PCDHGA2: variants seen among roughly 807,000 people sequenced by gnomAD.
PCDHGA2 encodes protocadherin gamma subfamily A, 2, also known as protocadherin gamma-A2.
In PCDHGA2, 40 loss-of-function variants were observed where a neutral mutation model predicts 59.2. The observed-to-expected ratio is 0.68, with a 90% confidence interval of 0.52 to 0.88. The LOEUF (loss-of-function observed/expected upper bound fraction) is 0.88, where lower values mean the gene tolerates loss of function less well. Ranked by LOEUF, PCDHGA2 falls within the 40% of genes least tolerant of loss-of-function variation. The pLI is 0.00. For missense variants in PCDHGA2, 1,226 were observed against 1,204.0 expected (o/e 1.02, Z -0.27); for synonymous variants, 560 against 526.0 (o/e 1.06, Z -0.89).
intron 1 of PCDHGA2, chr5:141,405,556 C>T: frequency 1.6e-6 from 1 of 619,826 alleles, no homozygotes; most frequent in East Asian, 2.7e-5. Context: ...AGTAGAGTAG[C>T]TGGGACTAGA....
chr5:141,415,744 T>TG (rs2095925177), intron 1 of PCDHGA2: 4 of 404,428 alleles, frequency 9.9e-6, no homozygotes, highest in Admixed American at 2.1e-4. Flanking sequence ...ATTAAGGTTT[T>TG]TTTTTTTTTT....
chr5:141,475,823 T>C (rs2099373850), intron 1 of PCDHGA2: 1 of 360,288 alleles, frequency 2.8e-6, no homozygotes, highest in Non-Finnish European at 5.0e-6. Context: ...TTCCTGGCGC[T>C]AGCGCGTGTC....
rs200512171 is a variant in PCDHGA2, at chr5:141,418,143, T to C, written c.2425-76664T>C. ...AAGGACCGAATAGACCGTGAGCAAA[T>C]ATGCAAAGAGAGAAGAAGATGTGAG... On this transcript the variant is annotated intron_variant, in intron 1 of 3. Transcript: ENST00000394576. 2.6e-4 allele frequency: 419 copies of C among 1,613,982 alleles called. 1 individual carries two copies. In the African/African-American group the frequency reaches 5.2e-3, roughly 20 times the overall value.
Position 141,362,300 on chromosome 5 carries a change from A to G in PCDHGA2, c.2424+20905A>G, listed in dbSNP as rs1411423412. 3 of 1,613,936 alleles carry G rather than the reference A, an allele frequency of 1.9e-6. No individual in the cohort carries two copies. In the East Asian group the frequency reaches 6.7e-5, roughly 36 times the overall value. The stretch of plus-strand genomic sequence containing the variant: ...CGCCTGCGACTCTCTTCCAGGTCAG[A>G]TGCTTGGGACTGTTTTCAGCCTGGT... On this transcript the variant is annotated intron_variant, in intron 1 of 3. Transcript: ENST00000394576.
chr5:141,477,572 G>T lies in PCDHGA2; in HGVS notation c.2425-17235G>T, dbSNP rs375416133. The T allele has an allele frequency of 6.2e-7, 1 of 1,614,112 alleles. No homozygotes were observed. Among genetic ancestry groups the T allele is most frequent in the South Asian group, 1.1e-5 (1 of 91,072 alleles). ...AAACCTAAGTGTCTGGGACCCCGAC[G>T]CCCCGCAGAATGCTCGGCTTTCTTT... On this transcript the variant is annotated intron_variant, in intron 1 of 3. Transcript: ENST00000394576. The surrounding 1 kb of genome is among the most constrained non-coding windows in gnomAD (Gnocchi z 4.9).
At chr5:141,361,631 G>T (rs534427524) in intron 1 of PCDHGA2, 1 of 1,613,902 alleles carries the variant, frequency 6.2e-7, no homozygotes, top group Non-Finnish European at 8.5e-7. Context: ...CTGAAGCCGC[G>T]GGAGATTTTA....
rs558103357 is a variant in PCDHGA2 at position 141,345,992 on chromosome 5, T to G, written c.2424+4597T>G. 77 of 1,613,030 alleles carry G rather than the reference T, an allele frequency of 4.8e-5. No homozygotes were observed. In the Middle Eastern group the frequency reaches 7.0e-4, roughly 15 times the overall value. ...CCGTCCAGGACCACGGCCAGCCCCC[T>G]CTCTCCGCCACTGTCACGCTCACCG... On this transcript the variant is annotated intron_variant, in intron 1 of 3. Transcript: ENST00000394576.
chr5:141,495,000 G>A lies in PCDHGA2; in HGVS notation c.2483+135G>A, dbSNP rs191756104. ...AGTTTGAGATCCCAGGGAGGTCTTG[G>A]TGTGCGGGGGGCTGGCACACAGACC... On this transcript the variant is annotated intron_variant, in intron 2 of 3. Transcript: ENST00000394576. 1.3e-4 allele frequency: 202 copies of A among 1,531,656 alleles called. 2 individuals carry two copies. The African/African-American group carries it at 2.4e-3, about 19-fold the overall frequency. The allele number at this position is 1,531,656 out of a possible 1,614,324, so 94.9% of individuals were successfully genotyped here. A position where few individuals can be genotyped will look rare whatever the true frequency, so the allele number is the denominator to read the frequency against.
chr5:141,491,441 A>G lies in PCDHGA2; in HGVS notation c.2425-3366A>G, dbSNP rs776616506. 1.2e-6 allele frequency: 2 copies of G among 1,614,146 alleles called. No homozygotes were observed. The highest frequency in any genetic ancestry group is 1.7e-6 in the Non-Finnish European group (2 of 1,180,032). ...GGTGGAGGGCAGTGCTGCAGGCGCCAGGACTCACCCTCCCCGGACTTCTAT... is the reference window on the plus strand; with the variant it reads ...GGTGGAGGGCAGTGCTGCAGGCGCCGGGACTCACCCTCCCCGGACTTCTAT... On this transcript the variant is annotated intron_variant, in intron 1 of 3. Coordinates refer to ENST00000394576, the MANE Select transcript of PCDHGA2 (RefSeq NM_018915.4). The surrounding 1 kb of genome is among the most constrained non-coding windows in gnomAD (Gnocchi z 6.9).
At position 141,376,592 on chromosome 5, in the gene PCDHGA2, C is replaced by T. The variant is rs373550079; in HGVS notation, c.2424+35197C>T. 8 of 1,565,128 alleles carry T rather than the reference C, an allele frequency of 5.1e-6. No individual in the cohort carries two copies. In the East Asian group the frequency reaches 1.4e-4, roughly 27 times the overall value. On this transcript the variant is annotated intron_variant, in intron 1 of 3. Coordinates refer to ENST00000394576, the MANE Select transcript of PCDHGA2 (RefSeq NM_018915.4). ...CAGACAGGCTCATCAGCTAGATCGG[C>T]TGTTATAGAAGCGAACCTCTTTTGG...
At chr5:141,382,300 A>C (rs1428266380) in intron 1 of PCDHGA2, among the ~76,000 whole-genome samples, 1 of 152,240 alleles carries the variant, frequency 6.6e-6, no homozygotes, top group Non-Finnish European at 1.5e-5. Flanking sequence ...AATTAATTAA[A>C]ATTTATATAC....
At chr5:141,422,013 G>A (rs755656791) in intron 1 of PCDHGA2, 1 of 1,610,536 alleles carries the variant, frequency 6.2e-7, no homozygotes. Context: ...GAACTCGGGT[G>A]CTGATGGTTA....
chr5:141,511,028 T>C lies in PCDHGA2; in HGVS notation c.2654T>C (p.Leu885Pro). ...GCCCGCTACGGACCCCAGTTCACCC[T>C]GCAGCACGTGCCCGACTACCGCCAG... ...LSARYGPQFTLQHVPDYRQNV... is the reference protein window; with the variant it reads ...LSARYGPQFTPQHVPDYRQNV... The change falls in exon 4 of 4, where the codon CTG becomes CCG. Residue 885 changes from leucine (L) to proline (P), a missense_variant. Leu to Pro is a moderately conservative substitution (Grantham distance 98, BLOSUM62 -3). Transcript: ENST00000394576. 1 of 1,614,202 alleles carries C rather than the reference T, an allele frequency of 6.2e-7. No homozygotes were observed. Among genetic ancestry groups the C allele is most frequent in the Non-Finnish European group, 8.5e-7 (1 of 1,180,028 alleles).
intron 1 of PCDHGA2, chr5:141,413,487 G>A (rs1190400492): frequency 1.9e-6 from 3 of 1,613,928 alleles, no homozygotes; most frequent in African/African-American, 2.7e-5. Context: ...CTCAGAGCGC[G>A]CGGTGCGTGG....
Position 141,431,570 on chromosome 5 carries a change from G to T in PCDHGA2, c.2425-63237G>T. On this transcript the variant is annotated intron_variant, in intron 1 of 3. Coordinates refer to ENST00000394576, the MANE Select transcript of PCDHGA2 (RefSeq NM_018915.4). This position sits in a 1 kb window ranked among gnomAD's most constrained non-coding sequence, Gnocchi z 4.8. The stretch of plus-strand genomic sequence containing the variant: ...TGTAGTCAACGCTACCGACCCTGAC[G>T]AAGGAGTCAATGCGGAAGTGAGGTA... The T allele has an allele frequency of 6.2e-7, 1 of 1,614,172 alleles. No homozygotes were observed. Among genetic ancestry groups the T allele is most frequent in the Non-Finnish European group, 8.5e-7 (1 of 1,180,024 alleles).
In PCDHGA2 at chr5:141,432,177, CTG is replaced by C. The variant is rs769631339; in HGVS notation, c.2425-62627_2425-62626del. 4 of 1,614,102 alleles carry C rather than the reference CTG, an allele frequency of 2.5e-6. No homozygotes were observed. Among genetic ancestry groups the C allele is most frequent in the Admixed American group, 1.7e-5 (1 of 60,012 alleles). ...AATCCCAGAGGAGTTTCCCTCGTCT[CTG>C]TGACCGCCCACGACCCCGACTGTGA... On this transcript the variant is annotated intron_variant, in intron 1 of 3. Transcript: ENST00000394576. The surrounding 1 kb of genome is among the most constrained non-coding windows in gnomAD (Gnocchi z 6.0).
rs1191643556 is a variant in PCDHGA2, at chr5:141,486,302, C to T, written c.2425-8505C>T. The T allele has an allele frequency of 2.5e-6, 4 of 1,613,918 alleles. No individual in the cohort carries two copies. The highest frequency in any genetic ancestry group is 3.4e-6 in the Non-Finnish European group (4 of 1,180,002). Reference sequence around the variant, plus strand: ...GGTGGCACTTATCAGTGTGCAGGATCCAGACTCAGGGTCAAACGGAGATGT... The same window carrying T: ...GGTGGCACTTATCAGTGTGCAGGATTCAGACTCAGGGTCAAACGGAGATGT... On this transcript the variant is annotated intron_variant, in intron 1 of 3. Coordinates refer to ENST00000394576, the MANE Select transcript of PCDHGA2 (RefSeq NM_018915.4). This position sits in a 1 kb window ranked among gnomAD's most constrained non-coding sequence, Gnocchi z 5.0.
chr5:141,505,294 G>A, intron 2 of PCDHGA2, 99 bp from the exon 3 acceptor site: 1 of 1,572,086 alleles, frequency 6.4e-7, no homozygotes, highest in Non-Finnish European at 8.6e-7. Flanking sequence ...GCATGGGGTA[G>A]GGTTAGGGTA....
rs372018713 is a variant in PCDHGA2, at chr5:141,418,097, C to G, written c.2424+76702C>G. ...GAAGCTGCACTTCAGCGTAGACGCG[C>G]AGAGCGGGGACTTACTTGTGAAGGA... On this transcript the variant is annotated intron_variant, in intron 1 of 3. Coordinates refer to ENST00000394576, the MANE Select transcript of PCDHGA2 (RefSeq NM_018915.4). The G allele has an allele frequency of 5.7e-4, 921 of 1,613,980 alleles. 9 individuals are homozygous for G. The South Asian group carries it at 6.8e-3, about 12-fold the overall frequency.
Sources: allele counts gnomAD v4.1 joint callset (sites outside exome capture counted in the v4.1 genomes callset), GRCh38; gene constraint gnomAD v4.1.1; non-coding constraint Gnocchi (gnomAD v3.1); transcripts MANE v1.5; gene names NCBI Gene and HGNC (gene_info 2026-07-23, HGNC 2026-07-21).